Variants in THSD7A observed in about 807,000 individuals in gnomAD.
THSD7A encodes the protein thrombospondin type 1 domain containing 7A, also known as thrombospondin type-1 domain-containing protein 7A.
Under a neutral mutation model 231.3 loss-of-function variants are expected in THSD7A, and 96 were observed. The observed-to-expected ratio is 0.41, with a 90% confidence interval of 0.35 to 0.49. The LOEUF (loss-of-function observed/expected upper bound fraction) is 0.49, where lower values mean the gene tolerates loss of function less well. THSD7A is among the 20% of genes least tolerant of loss of function. THSD7A has a pLI of 0.05. For missense variants in THSD7A, 2,290 were observed against 2,070.2 expected (o/e 1.11, Z -2.06); for synonymous variants, 940 against 743.3 (o/e 1.26, Z -4.30).
intron 2 of THSD7A, among the ~76,000 whole-genome samples, chr7:11,608,875 CAT>C (rs1001913124): frequency 5.9e-5 from 9 of 152,250 alleles, no homozygotes; most frequent in East Asian, 1.9e-4. Flanking sequence ...TCTTGCTGCA[CAT>C]GTTTCCTATT....
intron 1 of THSD7A, among the ~76,000 whole-genome samples, chr7:11,797,989 T>G (rs1474718732): frequency 1.3e-5 from 2 of 152,076 alleles, no homozygotes; most frequent in Non-Finnish European, 2.9e-5. Flanking sequence ...GAATTTCACT[T>G]TAAAAAATCT....
intron 4 of THSD7A, among the ~76,000 whole-genome samples, chr7:11,578,232 T>TTAA (rs1791004407): frequency 2.0e-5 from 3 of 152,172 alleles, no homozygotes. Context: ...ACAAAAGCAA[T>TTAA]TAATATTCAT....
At chr7:11,543,875 T>A (rs995009621) in intron 4 of THSD7A, among the ~76,000 whole-genome samples, 7 of 152,172 alleles carry the variant, frequency 4.6e-5, no homozygotes, top group African/African-American at 1.7e-4. Context: ...AAGGTCAATA[T>A]ATATCCATAG....
intron 1 of THSD7A, among the ~76,000 whole-genome samples, chr7:11,713,313 G>A (rs373167751): frequency 6.6e-6 from 1 of 151,164 alleles, no homozygotes; most frequent in African/African-American, 2.4e-5. Context: ...ACTTTACAAG[G>A]TTTATGTTTA....
intron 1 of THSD7A, among the ~76,000 whole-genome samples, chr7:11,785,360 C>T (rs977564576): frequency 3.3e-5 from 5 of 152,222 alleles, no homozygotes; most frequent in Non-Finnish European, 7.4e-5. Context: ...CCTCAGCCTC[C>T]TGAGTAACTG....
rs935440480 is a variant in THSD7A, at chr7:11,637,068, G to A, written c.191-107C>T. 3.9e-6 allele frequency: 4 copies of A among 1,029,756 alleles called. No homozygotes were observed. In the African/African-American group the frequency reaches 4.9e-5, roughly 13 times the overall value. The allele number at this position is 1,029,756 out of a possible 1,614,324, so 63.8% of individuals were successfully genotyped here. ...AGACCTAGTACATTAACTTCCCTGCGGTGTTACAAAGTAGGTCTCTGGACA... is the reference window on the plus strand; with the variant it reads ...AGACCTAGTACATTAACTTCCCTGCAGTGTTACAAAGTAGGTCTCTGGACA... On this transcript the variant is annotated intron_variant, in intron 1 of 27. Transcript: ENST00000423059. This position sits in a 1 kb window ranked among gnomAD's most constrained non-coding sequence, Gnocchi z 4.2.
chr7:11,579,746 T>C (rs1052113618), intron 4 of THSD7A, among the ~76,000 whole-genome samples: 4 of 152,164 alleles, frequency 2.6e-5, no homozygotes, highest in Non-Finnish European at 5.9e-5. Context: ...AAGACTAATA[T>C]CATTACTGAA....
At chr7:11,616,045 A>G (rs570642982) in intron 2 of THSD7A, among the ~76,000 whole-genome samples, 1 of 152,304 alleles carries the variant, frequency 6.6e-6, no homozygotes, top group East Asian at 1.9e-4. Flanking sequence ...ATATATTACT[A>G]ATGTCATAGT....
At chr7:11,761,705 C>T (rs1782867645) in intron 1 of THSD7A, among the ~76,000 whole-genome samples, 1 of 152,110 alleles carries the variant, frequency 6.6e-6, no homozygotes, top group African/African-American at 2.4e-5. Flanking sequence ...CACAAACTCT[C>T]TTTTAAACTG....
chr7:11,742,298 G>C (rs891176297), intron 1 of THSD7A, among the ~76,000 whole-genome samples: 1 of 151,816 alleles, frequency 6.6e-6, no homozygotes, highest in Admixed American at 6.6e-5. Flanking sequence ...TTCAGGTTTT[G>C]TCTAGTCATT....
chr7:11,819,021 A>G (rs1290981273), intron 1 of THSD7A, among the ~76,000 whole-genome samples: 1 of 152,134 alleles, frequency 6.6e-6, no homozygotes, highest in African/African-American at 2.4e-5. Flanking sequence ...TATTACTCCT[A>G]CAATTAAAAG....
intron 4 of THSD7A, among the ~76,000 whole-genome samples, chr7:11,560,596 T>A (rs1790035946): frequency 6.6e-6 from 1 of 152,194 alleles, no homozygotes; most frequent in East Asian, 1.9e-4. Flanking sequence ...TTTATTTAGA[T>A]ACCCAGTCGT....
At chr7:11,644,016 T>C (rs375289020) in intron 1 of THSD7A, among the ~76,000 whole-genome samples, 27 of 150,800 alleles carry the variant, frequency 1.8e-4, no homozygotes, top group East Asian at 1.6e-3. Context: ...AAATCCTGTG[T>C]GCTTATTTTC....
intron 6 of THSD7A, among the ~76,000 whole-genome samples, chr7:11,509,604 G>A (rs1046750832): frequency 1.9e-4 from 28 of 151,086 alleles, no homozygotes; most frequent in Non-Finnish European, 3.4e-4. Flanking sequence ...AGGCCGAGGC[G>A]GGTGGATCAC....
Position 11,377,738 on chromosome 7 carries a change from G to C in THSD7A, c.4802-1081C>G, listed in dbSNP as rs1782333148. ...TCTGTTGAGAGTTTCTTCAACAAAT[G>C]TTTTTTGGGGTTTTTCAAAATCAAA... On this transcript the variant is annotated intron_variant, in intron 26 of 27. Coordinates refer to ENST00000423059, the MANE Select transcript of THSD7A (RefSeq NM_015204.3). This position sits in a 1 kb window ranked among gnomAD's most constrained non-coding sequence, Gnocchi z 4.5. The C allele has an allele frequency of 6.6e-6, 1 of 151,984 alleles. No homozygotes were observed. Among genetic ancestry groups the C allele is most frequent in the Non-Finnish European group, 1.5e-5 (1 of 67,968 alleles). 9.4% of individuals were successfully genotyped at this position (151,984 alleles called of 1,614,324 possible).
intron 19 of THSD7A, chr7:11,410,658 A>G (rs1412983250): frequency 6.6e-6 from 1 of 152,276 alleles, no homozygotes; most frequent in African/African-American, 2.4e-5. Context: ...TCAATTAGAT[A>G]ATACCAGTTA....
rs1451839036 is a variant in THSD7A, at chr7:11,832,045, GCT to G, written c.-101_-100del. The stretch of plus-strand genomic sequence containing the variant: ...CTTTTCAAAGAGTACAGAAAGCAAA[GCT>G]CTTTCCTGCTATTGTTCGCTTCAGA... On this transcript the variant is annotated 5_prime_UTR_variant, in exon 1 of 28. Coordinates refer to ENST00000423059, the MANE Select transcript of THSD7A (RefSeq NM_015204.3). The G allele has an allele frequency of 1.3e-6, 1 of 762,004 alleles. No homozygotes were observed. The highest frequency in any genetic ancestry group is 1.8e-5 in the African/African-American group (1 of 54,406). The allele number at this position is 762,004 out of a possible 1,614,324, so 47.2% of individuals were successfully genotyped here.
At chr7:11,470,568 C>A (rs1480161826) in intron 8 of THSD7A, among the ~76,000 whole-genome samples, 1 of 151,642 alleles carries the variant, frequency 6.6e-6, no homozygotes, top group Non-Finnish European at 1.5e-5. Context: ...ATAAATCAAT[C>A]TGATAAGCAG....
intron 9 of THSD7A, 76 bp downstream of exon 9, chr7:11,469,803 G>T: frequency 1.0e-6 from 1 of 973,840 alleles, no homozygotes; most frequent in Non-Finnish European, 1.6e-6. Context: ...CACAAACATT[G>T]CTAGGCCAGA....
Sources: allele counts gnomAD v4.1 joint callset (sites outside exome capture counted in the v4.1 genomes callset), GRCh38; gene constraint gnomAD v4.1.1; non-coding constraint Gnocchi (gnomAD v3.1); transcripts MANE v1.5; gene names NCBI Gene and HGNC (gene_info 2026-07-23, HGNC 2026-07-21).